OSBP2: variants seen among roughly 807,000 people sequenced by gnomAD.
OSBP2 encodes the protein oxysterol-binding protein 2.
A neutral mutation model predicts 96.0 loss-of-function variants in OSBP2; 66 were observed. That is an observed-to-expected ratio of 0.69 (90% CI 0.56 to 0.84). OSBP2 has a LOEUF of 0.84. Among genes scored for constraint, OSBP2 ranks in the 40% least tolerant of loss-of-function variants. OSBP2 has a pLI of 0.00. For missense variants in OSBP2, 1,038 were observed against 1,222.7 expected, an observed-to-expected ratio of 0.85 and a Z score of 2.25; for synonymous variants, 525 against 520.9, an observed-to-expected ratio of 1.01 and a Z score of -0.11.
At chr22:30,816,897 G>A (rs1483018879) in intron 2 of OSBP2, among the ~76,000 whole-genome samples, 1 of 151,978 alleles carries the variant, frequency 6.6e-6, no homozygotes. Flanking sequence ...ACCACACCTG[G>A]CTAATTTTTG....
At chr22:30,856,196 T>C (rs994764960) in intron 2 of OSBP2, among the ~76,000 whole-genome samples, 2 of 152,104 alleles carry the variant, frequency 1.3e-5, no homozygotes, top group Non-Finnish European at 2.9e-5. Flanking sequence ...CTTTGCCTCC[T>C]ACCCCTATAC....
In OSBP2 at chr22:30,906,510, G is replaced by A. The variant is rs2040340757; in HGVS notation, c.*171G>A. On this transcript the variant is annotated 3_prime_UTR_variant, in exon 14 of 14. Coordinates refer to ENST00000332585, the MANE Select transcript of OSBP2 (RefSeq NM_030758.4). The stretch of plus-strand genomic sequence containing the variant: ...TTTCTTGGGACTCCCACCTTGGAAG[G>A]AGGAAGGGCTGACCTGGGTTCTCTC... The A allele has an allele frequency of 3.8e-6, 3 of 797,982 alleles. No individual in the cohort carries two copies. The highest frequency in any genetic ancestry group is 3.4e-5 in the Admixed American group (1 of 29,690). 49.4% of individuals were successfully genotyped at this position (797,982 alleles called of 1,614,324 possible).
rs748253574 is a variant in OSBP2 at position 30,887,465 on chromosome 22, C to G, written c.1147C>G (p.Arg383Gly). ...CTTGGAACTAGCAGAGATACACAGT[C>G]GGAAATGGCAGCGGGCACTGCAGTA... ...DFLELAEIHS[R>G]KWQRALQYEQ... Residue 383 changes from arginine to glycine, a missense_variant, in exon 4 of 14, where the codon CGG becomes GGG. This residue lies in a region of OSBP2 where 737 missense variants were observed against 913.3 expected (regional missense o/e 0.81). Transcript: ENST00000332585. 1.2e-6 allele frequency: 2 copies of G among 1,613,786 alleles called. No individual in the cohort carries two copies. Among genetic ancestry groups the G allele is most frequent in the Non-Finnish European group, 1.7e-6 (2 of 1,180,030 alleles).
At chr22:30,854,456 G>A (rs975984357) in intron 2 of OSBP2, among the ~76,000 whole-genome samples, 2 of 150,974 alleles carry the variant, frequency 1.3e-5, no homozygotes, top group East Asian at 2.0e-4. Flanking sequence ...TTACAGGCAC[G>A]CACGACCATG....
chr22:30,832,868 CACAGCAGCAGGA>C (rs1401060961), intron 2 of OSBP2, among the ~76,000 whole-genome samples: 3 of 152,098 alleles, frequency 2.0e-5, no homozygotes, highest in Middle Eastern at 3.2e-3. Context: ...CCCAGCTAGC[CACAGCAGCAGGA>C]GCTGCATTCC....
At chr22:30,727,522 A>G (rs1377148241) in intron 1 of OSBP2, among the ~76,000 whole-genome samples, 1 of 152,168 alleles carries the variant, frequency 6.6e-6, no homozygotes, top group Non-Finnish European at 1.5e-5. Context: ...GAGGCTGGAC[A>G]GCGAGCTCTG....
intron 12 of OSBP2, among the ~76,000 whole-genome samples, chr22:30,894,848 C>A (rs1310902880): frequency 6.6e-6 from 1 of 152,156 alleles, no homozygotes; most frequent in Non-Finnish European, 1.5e-5. Context: ...GAAAGATGCA[C>A]TGCCAGCCTA....
chr22:30,810,573 G>C (rs971472812), intron 2 of OSBP2, among the ~76,000 whole-genome samples: 6 of 152,146 alleles, frequency 3.9e-5, no homozygotes, highest in Non-Finnish European at 7.4e-5. Context: ...TCAGCCGGAA[G>C]CCTGGCTGCA....
chr22:30,837,774 A>G (rs2038666621), intron 2 of OSBP2, among the ~76,000 whole-genome samples: 4 of 152,118 alleles, frequency 2.6e-5, no homozygotes. Flanking sequence ...GTCAGGACCT[A>G]AGGCCGGGCT....
chr22:30,751,003 A>C (rs1198302939), intron 2 of OSBP2, among the ~76,000 whole-genome samples: 2 of 152,194 alleles, frequency 1.3e-5, no homozygotes, highest in African/African-American at 4.8e-5. Context: ...AGTCTCCCAA[A>C]GTGCTGGGAT....
At chr22:30,711,120 G>A (rs79840481) in intron 1 of OSBP2, among the ~76,000 whole-genome samples, 3,543 of 152,180 alleles carry the variant, frequency 0.023, 120 homozygotes, top group African/African-American at 0.08. Flanking sequence ...GGGAAATAGT[G>A]TTTGAAGATC....
chr22:30,733,111 T>C (rs926674187), intron 1 of OSBP2, among the ~76,000 whole-genome samples: 1 of 152,158 alleles, frequency 6.6e-6, no homozygotes, highest in African/African-American at 2.4e-5. Context: ...GGGTCTGATA[T>C]AGTTAGTGGC....
At chr22:30,751,922 A>G (rs2090077858) in intron 2 of OSBP2, among the ~76,000 whole-genome samples, 1 of 152,210 alleles carries the variant, frequency 6.6e-6, no homozygotes, top group South Asian at 2.1e-4. Flanking sequence ...GGGCAAAGAC[A>G]TGCTGCTTGT....
chr22:30,867,090 G>A (rs1171822286), intron 2 of OSBP2, among the ~76,000 whole-genome samples: 1 of 152,138 alleles, frequency 6.6e-6, no homozygotes, highest in East Asian at 1.9e-4. Context: ...TGCCTATGAC[G>A]GGTAGTTCAC....
At chr22:30,739,902 C>G (rs765266893) in intron 1 of OSBP2, among the ~76,000 whole-genome samples, 1 of 152,000 alleles carries the variant, frequency 6.6e-6, no homozygotes, top group Non-Finnish European at 1.5e-5. Flanking sequence ...TGCAGTGGCG[C>G]GATCTTGGCT....
chr22:30,843,451 TCCC>T (rs932329066), intron 2 of OSBP2, among the ~76,000 whole-genome samples: 27 of 112,446 alleles, frequency 2.4e-4, no homozygotes, highest in African/African-American at 2.1e-4. Flanking sequence ...CTTTCCCCCC[TCCC>T]CCTTGAGCAA....
chr22:30,879,529 G>A (rs2039656565), intron 3 of OSBP2, among the ~76,000 whole-genome samples: 1 of 152,082 alleles, frequency 6.6e-6, no homozygotes, highest in African/African-American at 2.4e-5. Context: ...TGGGCCAAGC[G>A]CTCCTGTGAG....
At chr22:30,722,623 T>C (rs368287546) in intron 1 of OSBP2, among the ~76,000 whole-genome samples, 2 of 151,716 alleles carry the variant, frequency 1.3e-5, no homozygotes, top group African/African-American at 4.9e-5. Context: ...CTTTTCTCTT[T>C]TTTCTTTCTT....
chr22:30,906,012 T>G lies in OSBP2; in HGVS notation c.2551T>G (p.Ser851Ala). Residue 851 changes from serine (S) to alanine (A), a missense_variant, in exon 13 of 14, where the codon TCG becomes GCG. Ser to Ala is a moderately conservative substitution (Grantham distance 99, BLOSUM62 1). Around this residue, in one of 3 missense-constraint regions of OSBP2, gnomAD observed 737 missense variants for 913.3 expected, o/e 0.81. Transcript: ENST00000332585. ...KQRLEEKQRLSRRRRLEACGP... is the reference protein window; with the variant it reads ...KQRLEEKQRLARRRRLEACGP... ...GCGGCTGGAGGAGAAGCAGCGCCTG[T>G]CGCGGCGCCGGCGGCTGGAGGCCTG... is the stretch of plus-strand genomic sequence containing the variant. 3.2e-6 allele frequency: 5 copies of G among 1,581,334 alleles called. No individual in the cohort carries two copies. In the South Asian group the frequency reaches 3.4e-5, roughly 11 times the overall value.
Sources: allele counts gnomAD v4.1 joint callset (sites outside exome capture counted in the v4.1 genomes callset), GRCh38; gene constraint gnomAD v4.1.1; regional missense constraint gnomAD v4.1.1; transcripts MANE v1.5; gene names NCBI Gene and HGNC (gene_info 2026-07-23, HGNC 2026-07-21).